The following LDB2 variants were observed in gnomAD, a reference collection of about 807,000 sequenced individuals.
The protein encoded by LDB2 is LIM domain binding 2.
Under a neutral mutation model 44.3 loss-of-function variants are expected in LDB2, and 12 were observed. The observed-to-expected ratio is 0.27, with a 90% CI of 0.17 to 0.44. The LOEUF is 0.44. Among genes scored for constraint, LDB2 ranks in the 20% least tolerant of loss-of-function variants. The pLI is 1.00. For synonymous variants in LDB2, 164 were observed against 174.8 expected (o/e 0.94, Z 0.49); for missense variants, 344 against 473.5 (o/e 0.73, Z 2.54).
chr4:16,564,664 G>A (rs551480094), intron 5 of LDB2, among the ~76,000 whole-genome samples: 2 of 152,178 alleles, frequency 1.3e-5, no homozygotes, highest in African/African-American at 4.8e-5. Context: ...GGAATATTAT[G>A]TTTTATTTAT....
intron 1 of LDB2, among the ~76,000 whole-genome samples, chr4:16,817,903 C>A (rs1781245819): frequency 6.6e-6 from 1 of 151,974 alleles, no homozygotes; most frequent in East Asian, 1.9e-4. Context: ...GTTATCTATT[C>A]TTGCATAAAA....
chr4:16,751,210 C>G (rs898579559), intron 2 of LDB2, among the ~76,000 whole-genome samples: 3 of 152,134 alleles, frequency 2.0e-5, no homozygotes, highest in Non-Finnish European at 4.4e-5. Context: ...TTGTAACCCC[C>G]TAAGAGAAGA....
chr4:16,836,104 A>G (rs1784841052), intron 1 of LDB2, among the ~76,000 whole-genome samples: 1 of 152,248 alleles, frequency 6.6e-6, no homozygotes, highest in South Asian at 2.1e-4. Flanking sequence ...TCACTGTAAG[A>G]TTCAATCAAT....
chr4:16,825,783 T>C lies in LDB2; in HGVS notation c.133-66523A>G, dbSNP rs185680300. ...TGCTTCATGAGGTTGTTACTGAACA[T>C]AGGAATTAAATGATATATGAGATAC... On this transcript the variant is annotated intron_variant, in intron 1 of 7. Transcript: ENST00000304523. 1.1e-3 allele frequency among the ~76,000 whole-genome samples: 163 copies of C among 152,220 alleles called. 1 individual carries two copies. The highest frequency in any genetic ancestry group is 3.8e-3 in the African/African-American group (157 of 41,540).
intron 5 of LDB2, among the ~76,000 whole-genome samples, chr4:16,558,600 T>A (rs1183967636): frequency 6.6e-6 from 1 of 152,162 alleles, no homozygotes; most frequent in Admixed American, 6.5e-5. Flanking sequence ...TACCTGAAAG[T>A]GACGGGGAGA....
intron 1 of LDB2, among the ~76,000 whole-genome samples, chr4:16,820,986 T>C (rs1037076162): frequency 6.6e-6 from 1 of 151,916 alleles, no homozygotes; most frequent in Admixed American, 6.6e-5. Context: ...ATGTTTACAG[T>C]TTTTTTTAAC....
At chr4:16,673,347 T>C (rs1204520570) in intron 2 of LDB2, among the ~76,000 whole-genome samples, 1 of 152,204 alleles carries the variant, frequency 6.6e-6, no homozygotes, top group Non-Finnish European at 1.5e-5. Flanking sequence ...TCCCTAATTG[T>C]TGACTAAATG....
chr4:16,870,146 C>T (rs1161030498), intron 1 of LDB2, among the ~76,000 whole-genome samples: 1 of 152,124 alleles, frequency 6.6e-6, no homozygotes, highest in East Asian at 1.9e-4. Flanking sequence ...GAAGGAGATG[C>T]AGAAGATGCC....
intron 5 of LDB2, among the ~76,000 whole-genome samples, chr4:16,534,504 T>G (rs1437042146): frequency 6.6e-6 from 1 of 152,242 alleles, no homozygotes; most frequent in African/African-American, 2.4e-5. Flanking sequence ...TAAAGGCTTA[T>G]GCTAGTTCTG....
chr4:16,866,707 T>G (rs1037590982), intron 1 of LDB2, among the ~76,000 whole-genome samples: 1 of 152,314 alleles, frequency 6.6e-6, no homozygotes, highest in African/African-American at 2.4e-5. Context: ...CATATTCCAC[T>G]GACATGTTAA....
At position 16,502,506 on chromosome 4, in the gene LDB2, C is replaced by T; in HGVS notation, c.*137G>A. On this transcript the variant is annotated 3_prime_UTR_variant, in exon 8 of 8. Transcript: ENST00000304523. Reference sequence around the variant, plus strand: ...GAAAAAAAGAAAGAAGAAAGAAAATCAGATCATTGTGGTTTAGAAATAGAT... The same window carrying T: ...GAAAAAAAGAAAGAAGAAAGAAAATTAGATCATTGTGGTTTAGAAATAGAT... 8.4e-7 allele frequency: 1 copy of T among 1,193,608 alleles called. No homozygotes were observed. Among genetic ancestry groups the T allele is most frequent in the Non-Finnish European group, 1.2e-6 (1 of 841,078 alleles). The allele number at this position is 1,193,608 out of a possible 1,614,324, so 73.9% of individuals were successfully genotyped here. A position where few individuals can be genotyped will look rare whatever the true frequency, so the allele number is the denominator to read the frequency against.
At chr4:16,551,699 A>G (rs1371803728) in intron 5 of LDB2, among the ~76,000 whole-genome samples, 3 of 151,862 alleles carry the variant, frequency 2.0e-5, no homozygotes, top group Non-Finnish European at 4.4e-5. Flanking sequence ...TGTATTTTTA[A>G]TAGAGAGGAG....
chr4:16,520,128 TC>T (rs1725440913), intron 5 of LDB2, among the ~76,000 whole-genome samples: 1 of 151,624 alleles, frequency 6.6e-6, no homozygotes, highest in East Asian at 1.9e-4. Flanking sequence ...TTTTTCACCC[TC>T]CCCTCCCCGC....
At chr4:16,601,154 CA>C (rs1230978288) in intron 2 of LDB2, among the ~76,000 whole-genome samples, 1 of 152,046 alleles carries the variant, frequency 6.6e-6, no homozygotes, top group Non-Finnish European at 1.5e-5. Context: ...CAGATATACA[CA>C]AATACTTTTA....
intron 1 of LDB2, among the ~76,000 whole-genome samples, chr4:16,782,625 C>T (rs1191288304): frequency 2.6e-5 from 4 of 152,218 alleles, no homozygotes; most frequent in Admixed American, 2.0e-4. Flanking sequence ...GTTGGCATTA[C>T]AGGCGTGAGC....
intron 1 of LDB2, among the ~76,000 whole-genome samples, chr4:16,817,349 G>T (rs1314210986): frequency 6.6e-6 from 1 of 152,070 alleles, no homozygotes; most frequent in African/African-American, 2.4e-5. Context: ...TCAACCTCTT[G>T]TCCACCTCAC....
intron 5 of LDB2, among the ~76,000 whole-genome samples, chr4:16,527,906 G>A (rs1045924929): frequency 2.0e-5 from 3 of 151,772 alleles, no homozygotes; most frequent in Admixed American, 6.6e-5. Flanking sequence ...ATCAAGTTGT[G>A]TACTTAAACA....
chr4:16,736,808 G>A (rs1406341650), intron 2 of LDB2, among the ~76,000 whole-genome samples: 1 of 152,008 alleles, frequency 6.6e-6, no homozygotes, highest in Non-Finnish European at 1.5e-5. Context: ...TATCAACAGG[G>A]ACCTCTTCAT....
chr4:16,850,196 A>G (rs926954818), intron 1 of LDB2, among the ~76,000 whole-genome samples: 4 of 152,084 alleles, frequency 2.6e-5, no homozygotes, highest in African/African-American at 9.7e-5. Flanking sequence ...GGGAGCCGCC[A>G]AAGAACTGCC....
Sources: gnomAD v4.1 joint callset for allele counts (sites outside exome capture counted in the v4.1 genomes callset) on GRCh38, gnomAD v4.1.1 for gene constraint, MANE v1.5 for transcripts, NCBI Gene and HGNC (gene_info 2026-07-23, HGNC 2026-07-21) for gene names.